The following SYT1 variants were observed in gnomAD, a reference collection of about 807,000 sequenced individuals.
The protein encoded by SYT1 is synaptotagmin 1.
A neutral mutation model predicts 44.8 loss-of-function variants in SYT1; 8 were observed. The observed-to-expected ratio is 0.18, with a 90% CI of 0.10 to 0.32. SYT1 has a LOEUF of 0.32. SYT1 is among the 10% of genes least tolerant of loss of function. The probability of loss-of-function intolerance (pLI) is 1.00; values close to 1 mark genes in which losing one functional copy is unlikely to be tolerated. For missense variants in SYT1, 286 were observed against 509.3 expected (o/e 0.56, Z 4.22); for synonymous variants, 154 against 188.8 (o/e 0.82, Z 1.51).
chr12:78,949,604 C>T (rs1030962167), intron 1 of SYT1, among the ~76,000 whole-genome samples: 1 of 151,838 alleles, frequency 6.6e-6, no homozygotes, highest in African/African-American at 2.4e-5. Context: ...TGAGTCATTG[C>T]TATAGAAAAT....
At chr12:79,167,793 A>T (rs1475613229) in intron 3 of SYT1, among the ~76,000 whole-genome samples, 1 of 152,048 alleles carries the variant, frequency 6.6e-6, no homozygotes, top group African/African-American at 2.4e-5. Flanking sequence ...GGCTTGTTTC[A>T]TGGAAGACAA....
At chr12:78,949,395 C>T (rs563408072) in intron 1 of SYT1, among the ~76,000 whole-genome samples, 43 of 150,800 alleles carry the variant, frequency 2.9e-4, no homozygotes, top group Admixed American at 5.3e-4. Flanking sequence ...TCAATGATAA[C>T]GAGTAAAATA....
chr12:79,062,146 T>C (rs1875437337), intron 3 of SYT1, among the ~76,000 whole-genome samples: 1 of 152,114 alleles, frequency 6.6e-6, no homozygotes, highest in African/African-American at 2.4e-5. Flanking sequence ...TTGTTGTTAT[T>C]TTCTGACCTG....
At chr12:79,130,125 C>T (rs1868713176) in intron 3 of SYT1, among the ~76,000 whole-genome samples, 1 of 151,918 alleles carries the variant, frequency 6.6e-6, no homozygotes, top group South Asian at 2.1e-4. Flanking sequence ...GTTATAGCCA[C>T]CAAAGAATAA....
chr12:79,107,515 ATGT>A (rs1395396584), intron 3 of SYT1, among the ~76,000 whole-genome samples: 2 of 152,024 alleles, frequency 1.3e-5, no homozygotes, highest in Admixed American at 1.3e-4. Context: ...AGTTTAAAAA[ATGT>A]TGTCAATGAA....
At chr12:79,365,268 G>C (rs1011585985) in intron 9 of SYT1, among the ~76,000 whole-genome samples, 1 of 151,720 alleles carries the variant, frequency 6.6e-6, no homozygotes, top group African/African-American at 2.4e-5. Flanking sequence ...ATATATAATG[G>C]AGATCCTTTG....
intron 4 of SYT1, among the ~76,000 whole-genome samples, chr12:79,269,697 C>T (rs1214250162): frequency 2.7e-5 from 4 of 149,818 alleles, no homozygotes; most frequent in Non-Finnish European, 6.0e-5. Flanking sequence ...TGAAAAAGTA[C>T]ACACACACAC....
chr12:79,378,390 A>G (rs1460468324), intron 9 of SYT1, among the ~76,000 whole-genome samples: 1 of 152,230 alleles, frequency 6.6e-6, no homozygotes, highest in African/African-American at 2.4e-5. Context: ...TTCAAAGAGA[A>G]CAGTCCACTG....
At chr12:79,135,445 T>C (rs747955027) in intron 3 of SYT1, among the ~76,000 whole-genome samples, 11 of 152,262 alleles carry the variant, frequency 7.2e-5, no homozygotes, top group Non-Finnish European at 1.0e-4. Context: ...ATTTATAAAA[T>C]GTTATTTAAT....
intron 3 of SYT1, among the ~76,000 whole-genome samples, chr12:79,179,519 C>CTATATAGATATAGATATAGATATAGA (rs1872355409): frequency 5.1e-5 from 3 of 59,214 alleles, no homozygotes; most frequent in Admixed American, 2.1e-4. Flanking sequence ...ATAGATATAT[C>CTATATAGATATAGATATAGATATAGA]TATATAGATA....
At chr12:78,968,100 A>T (rs1297255322) in intron 1 of SYT1, among the ~76,000 whole-genome samples, 1 of 152,124 alleles carries the variant, frequency 6.6e-6, no homozygotes, top group Non-Finnish European at 1.5e-5. Flanking sequence ...TTACTATGAA[A>T]ATTTAATTGT....
intron 3 of SYT1, among the ~76,000 whole-genome samples, chr12:79,098,280 G>A (rs891601834): frequency 2.0e-5 from 3 of 152,128 alleles, no homozygotes; most frequent in Admixed American, 1.3e-4. Context: ...ATGAGCTGGG[G>A]AGAAAGTGGC....
intron 4 of SYT1, among the ~76,000 whole-genome samples, chr12:79,240,540 A>T (rs1876443282): frequency 6.6e-6 from 1 of 152,188 alleles, no homozygotes; most frequent in Non-Finnish European, 1.5e-5. Flanking sequence ...AATCCTTCAA[A>T]GGTTATATTT....
At chr12:78,968,545 A>G (rs1372797871) in intron 1 of SYT1, among the ~76,000 whole-genome samples, 2 of 152,320 alleles carry the variant, frequency 1.3e-5, no homozygotes, top group East Asian at 3.9e-4. Context: ...CTGTAAATTT[A>G]AAACACATTT....
At chr12:78,982,153 T>G (rs1869309863) in intron 2 of SYT1, among the ~76,000 whole-genome samples, 1 of 152,146 alleles carries the variant, frequency 6.6e-6, no homozygotes, top group South Asian at 2.1e-4. Context: ...GAAGAAAAAC[T>G]ACTACATTCA....
chr12:78,876,850 T>A (rs1478726969), intron 1 of SYT1, among the ~76,000 whole-genome samples: 22 of 74,718 alleles, frequency 2.9e-4, no homozygotes, highest in African/African-American at 1.6e-3. Context: ...TAATATATAT[T>A]ATATATAATA....
intron 1 of SYT1, among the ~76,000 whole-genome samples, chr12:78,940,060 C>A (rs1878267690): frequency 1.3e-5 from 2 of 152,066 alleles, no homozygotes; most frequent in Admixed American, 1.3e-4. Context: ...TATAGATGAC[C>A]ATATAAAGCA....
At chr12:79,267,678 G>C (rs1878205524) in intron 4 of SYT1, among the ~76,000 whole-genome samples, 1 of 152,148 alleles carries the variant, frequency 6.6e-6, no homozygotes, top group African/African-American at 2.4e-5. Flanking sequence ...ACTTCCAAAG[G>C]CTTCAGATGA....
At chr12:79,197,141 G>A (rs1873509167) in intron 3 of SYT1, among the ~76,000 whole-genome samples, 2 of 152,194 alleles carry the variant, frequency 1.3e-5, no homozygotes, top group Non-Finnish European at 2.9e-5. Flanking sequence ...GTAGTAGTTG[G>A]AAATGGGGGA....
Sources: allele counts gnomAD v4.1 joint callset (sites outside exome capture counted in the v4.1 genomes callset), GRCh38; gene constraint gnomAD v4.1.1; transcripts MANE v1.5; gene names NCBI Gene and HGNC (gene_info 2026-07-23, HGNC 2026-07-21).